The following PHRF1 variants were observed in gnomAD, a reference collection of about 807,000 sequenced individuals.
The protein encoded by PHRF1 is PHD and ring finger domains 1.
PHRF1 carries 53 observed loss-of-function variants against 128.9 expected under a neutral mutation model. The observed-to-expected ratio is 0.41, with a 90% CI of 0.33 to 0.52. The LOEUF is 0.52. PHRF1 is among the 20% of genes least tolerant of loss of function. The pLI, the probability that PHRF1 is intolerant of heterozygous loss-of-function variation, is 0.21. For synonymous variants in PHRF1, 1,178 were observed against 980.6 expected (o/e 1.20, Z -3.76); for missense variants, 2,503 against 2,284.5 (o/e 1.10, Z -1.95).
At chr11:605,489 AC>A in intron 11 of PHRF1, 115 bp from the exon 12 acceptor site, 1 of 1,514,928 alleles carries the variant, frequency 6.6e-7, no homozygotes, top group Non-Finnish European at 8.9e-7. Context: ...GGCCCGAATC[AC>A]ACGTGCCGCC....
intron 2 of PHRF1, 110 bp downstream of exon 2, chr11:581,716 A>G (rs1854214339): frequency 1.7e-6 from 2 of 1,152,730 alleles, no homozygotes; most frequent in Non-Finnish European, 2.4e-6. Flanking sequence ...GTCTAAAAAA[A>G]TTATGCTTTG....
rs1272326751 is a variant in PHRF1, at chr11:582,025, G to C, written c.158G>C (p.Gly53Ala). Residue 53 changes from glycine to alanine, a missense_variant, in exon 3 of 18, where the codon GGC becomes GCC. Coordinates refer to ENST00000264555, the MANE Select transcript of PHRF1 (RefSeq NM_001286581.2). Reference sequence around the variant, plus strand: ...GACAGTGACAGCGAGCATGGAGATGGCACAGACGGAGAAGACGAGGGGGCG... The same window carrying C: ...GACAGTGACAGCGAGCATGGAGATGCCACAGACGGAGAAGACGAGGGGGCG... Reference protein sequence around the residue: ...GDDSDSEHGDGTDGEDEGASE... With the variant: ...GDDSDSEHGDATDGEDEGASE... 1 of 1,608,056 alleles carries C rather than the reference G, an allele frequency of 6.2e-7. No individual in the cohort carries two copies. Among genetic ancestry groups the C allele is most frequent in the South Asian group, 1.1e-5 (1 of 89,554 alleles).
At position 602,755 on chromosome 11, in the gene PHRF1, G is replaced by GTTTTT. The variant is rs1564857878; in HGVS notation, c.1152+1055_1152+1059dup. On this transcript the variant is annotated intron_variant, in intron 10 of 17. Coordinates refer to ENST00000264555, the MANE Select transcript of PHRF1 (RefSeq NM_001286581.2). The stretch of plus-strand genomic sequence containing the variant: ...TGTTTGCTGAATCTTTTTTGGTTTT[G>GTTTTT]TTTTTGTTTTTTTTGTTTTTTTTTT... 2.2e-5 allele frequency among the ~76,000 whole-genome samples: 3 copies of GTTTTT among 139,512 alleles called. 1 individual carries two copies. Among genetic ancestry groups the GTTTTT allele is most frequent in the Non-Finnish European group, 4.4e-5 (3 of 67,472 alleles). The allele number at this position is 139,512 out of a possible 152,430, so 91.5% of individuals were successfully genotyped here. A position where few individuals can be genotyped will look rare whatever the true frequency, so the allele number is the denominator to read the frequency against.
At chr11:579,908 C>T (rs955651448) in intron 1 of PHRF1, among the ~76,000 whole-genome samples, 1 of 152,160 alleles carries the variant, frequency 6.6e-6, no homozygotes, top group African/African-American at 2.4e-5. Context: ...TTCTGAGCCC[C>T]GTTAGGGTTT....
At chr11:589,437 G>A (rs963442966) in intron 4 of PHRF1, among the ~76,000 whole-genome samples, 1 of 152,190 alleles carries the variant, frequency 6.6e-6, no homozygotes, top group Non-Finnish European at 1.5e-5. Context: ...GAATTGCCAA[G>A]ATAGCTTTGA....
chr11:611,604 G>T, intron 17 of PHRF1, 30 bp from the exon 18 acceptor site: 1 of 1,612,570 alleles, frequency 6.2e-7, no homozygotes, highest in East Asian at 2.2e-5. Flanking sequence ...GATGTGAAAG[G>T]GCATTTGGTG....
chr11:592,570 G>A lies in PHRF1; in HGVS notation c.516G>A (p.Glu172=). The change falls in exon 6 of 18, where the codon GAG becomes GAA. Residue 172 remains glutamate (E), a synonymous_variant. Coordinates refer to ENST00000264555, the MANE Select transcript of PHRF1 (RefSeq NM_001286581.2). ...CGATTCTGTCCTAGATCCCAGTGGA[G>A]AACACCAAAGCGAGCGAGGAGGAGG... ...GGKILRKIPV[E]NTKASEEEED... is the part of the protein sequence containing the mutation. 6.2e-7 allele frequency: 1 copy of A among 1,614,078 alleles called. No individual in the cohort carries two copies. The highest frequency in any genetic ancestry group is 8.5e-7 in the Non-Finnish European group (1 of 1,179,898).
rs751095079 is a variant in PHRF1 at position 605,259 on chromosome 11, G to C, written c.1293G>C (p.Leu431=). The change falls in exon 11 of 18, where the codon CTG becomes CTC. Residue 431 remains leucine, a synonymous_variant. Coordinates refer to ENST00000264555, the MANE Select transcript of PHRF1 (RefSeq NM_001286581.2). ...GAGCGGATATTGGAGCTGCCTCTCTGTCTCTGTTTGGAGATCCTTATGAGC... is the reference window on the plus strand; with the variant it reads ...GAGCGGATATTGGAGCTGCCTCTCTCTCTCTGTTTGGAGATCCTTATGAGC... The part of the protein sequence containing the change: ...LLRADIGAAS[L]SLFGDPYELD... The C allele has an allele frequency of 8.7e-6, 14 of 1,613,676 alleles. No homozygotes were observed. The highest frequency in any genetic ancestry group is 1.1e-5 in the Non-Finnish European group (13 of 1,179,878).
intron 9 of PHRF1, among the ~76,000 whole-genome samples, chr11:599,095 G>C (rs1855477309): frequency 6.6e-6 from 1 of 152,212 alleles, no homozygotes; most frequent in Non-Finnish European, 1.5e-5. Flanking sequence ...TGGTGCGCGT[G>C]CACATTTGGC....
chr11:610,753 A>G lies in PHRF1; in HGVS notation c.4669A>G (p.Lys1557Glu), dbSNP rs201301017. Residue 1557 changes from lysine to glutamate, a missense_variant, in exon 16 of 18, where the codon AAG (lysine) becomes GAG (glutamate). Transcript: ENST00000264555. ...APRLAAEKTKKEEYMKKLHMQ... is the reference protein window; with the variant it reads ...APRLAAEKTKEEEYMKKLHMQ... ...CAGGCTAGCTGCGGAGAAAACCAAG[A>G]AGGAGGAGGTGAGTCCTGCCTCCTC... 69 of 1,600,988 alleles carry G rather than the reference A, an allele frequency of 4.3e-5. No individual in the cohort carries two copies. Among genetic ancestry groups the G allele is most frequent in the Middle Eastern group, 1.6e-4 (1 of 6,082 alleles).
chr11:582,048 G>A lies in PHRF1; in HGVS notation c.181G>A (p.Ala61Thr), dbSNP rs545043637. 5 of 1,604,262 alleles carry A rather than the reference G, an allele frequency of 3.1e-6. No individual in the cohort carries two copies. The highest frequency in any genetic ancestry group is 1.1e-5 in the South Asian group (1 of 88,938). ...GDGTDGEDEG[A>T]SEEEDLEDRS... ...TGGCACAGACGGAGAAGACGAGGGG[G>A]CGTCTGAGGAGGAAGACCTGGAAGA... is the stretch of plus-strand genomic sequence containing the variant. Residue 61 changes from alanine to threonine, a missense_variant, in exon 3 of 18, where the codon GCG becomes ACG. Coordinates refer to ENST00000264555, the MANE Select transcript of PHRF1 (RefSeq NM_001286581.2).
intron 3 of PHRF1, among the ~76,000 whole-genome samples, chr11:585,158 T>C (rs147344307): frequency 1.3e-5 from 2 of 152,332 alleles, no homozygotes; most frequent in African/African-American, 2.4e-5. Flanking sequence ...GCTTTCGTTC[T>C]CATTGCTTTT....
rs1279352307 is a variant in PHRF1, at chr11:610,971, C to A, written c.4695C>A (p.His1565Gln). ...TKKEEYMKKL[H>Q]MQERAVEEVK... Reference sequence around the variant, plus strand: ...CCCTCTAGTACATGAAGAAGCTGCACATGCAGGAGCGTGCTGTGGAGGAGG... The same window carrying A: ...CCCTCTAGTACATGAAGAAGCTGCAAATGCAGGAGCGTGCTGTGGAGGAGG... Residue 1565 changes from histidine to glutamine, a missense_variant, in exon 17 of 18, where the codon CAC (histidine) becomes CAA (glutamine). His to Gln is a conservative substitution (Grantham distance 24). Transcript: ENST00000264555. 2 of 1,613,094 alleles carry A rather than the reference C, an allele frequency of 1.2e-6. No individual in the cohort carries two copies. The highest frequency in any genetic ancestry group is 2.7e-5 in the African/African-American group (2 of 74,908).
In PHRF1 at chr11:608,468, G is replaced by A. The variant is rs760233096; in HGVS notation, c.3012G>A (p.Lys1004=). ...CATCCAGCTCCCGCAGCAGGAAGAAGGCCAAGAGGAAGAGGGTGTCCAGGG... is the reference window on the plus strand; with the variant it reads ...CATCCAGCTCCCGCAGCAGGAAGAAAGCCAAGAGGAAGAGGGTGTCCAGGG... The part of the protein sequence containing the change: ...RSTSSSRSRK[K]AKRKRVSREH... Residue 1004 remains lysine, a synonymous_variant, in exon 14 of 18, where the codon AAG becomes AAA. Coordinates refer to ENST00000264555, the MANE Select transcript of PHRF1 (RefSeq NM_001286581.2). The A allele has an allele frequency of 6.2e-7, 1 of 1,612,548 alleles. No individual in the cohort carries two copies. Among genetic ancestry groups the A allele is most frequent in the Admixed American group, 1.7e-5 (1 of 60,010 alleles).
chr11:603,170 C>G (rs575856038), intron 10 of PHRF1, among the ~76,000 whole-genome samples: 2 of 152,154 alleles, frequency 1.3e-5, no homozygotes, highest in South Asian at 4.2e-4. Flanking sequence ...ATCCTCCCAC[C>G]TCAGCTTCCT....
rs1438949267 is a variant in PHRF1 at position 607,104 on chromosome 11, A to G, written c.1648A>G (p.Arg550Gly). 4 of 1,605,846 alleles carry G rather than the reference A, an allele frequency of 2.5e-6. No homozygotes were observed. Among genetic ancestry groups the G allele is most frequent in the Non-Finnish European group, 3.4e-6 (4 of 1,175,834 alleles). Residue 550 changes from arginine to glycine, a missense_variant, in exon 14 of 18, where the codon AGA becomes GGA. Physicochemically the swap from Arg to Gly is moderately radical, Grantham distance 125. Coordinates refer to ENST00000264555, the MANE Select transcript of PHRF1 (RefSeq NM_001286581.2). ...SFQRNSGSLS[R>G]GEEGFKGCLQ... ...TCAGCGAAACTCAGGCAGTCTGTCC[A>G]GAGGGGAAGAAGGATTCAAGGGCTG...
chr11:581,925 C>T (rs1033406735), intron 2 of PHRF1, 37 bp from the exon 3 acceptor site: 19 of 1,545,060 alleles, frequency 1.2e-5, no homozygotes, highest in African/African-American at 8.3e-5. Context: ...ATGGTCTTGA[C>T]GCCGCCCTGC....
At position 608,790 on chromosome 11, in the gene PHRF1, AG is replaced by A. The variant is rs1856137279; in HGVS notation, c.3336del (p.Arg1113AspfsTer86). 6.2e-7 allele frequency: 1 copy of A among 1,611,706 alleles called. No homozygotes were observed. Among genetic ancestry groups the A allele is most frequent in the African/African-American group, 1.3e-5 (1 of 74,878 alleles). On this transcript the variant is annotated frameshift_variant, in exon 14 of 18. Transcript: ENST00000264555. LOFTEE classifies it high-confidence loss of function. ...EHYESRKKKKRRSASRPRGRE... is the reference protein window; with the variant it reads ...EHYESRKKKKXRSASRPRGRE... ...CTATGAGAGTAGGAAGAAGAAGAAA[AG>A]GAGATCAGCGTCCAGACCTCGGGGA... is the stretch of plus-strand genomic sequence containing the variant.
rs60976049 is a variant in PHRF1, at chr11:605,277, T to C, written c.1311T>C (p.Pro437=). The change falls in exon 11 of 18, where the codon CCT becomes CCC. Residue 437 remains proline, a synonymous_variant. Transcript: ENST00000264555. ...GAASLSLFGD[P]YELDPFDSSE... ...CCTCTCTGTCTCTGTTTGGAGATCC[T>C]TATGAGCTGGATCCCTTCGACAGGT... 12,378 of 1,613,654 alleles carry C rather than the reference T, an allele frequency of 7.7e-3. 799 individuals carry two copies. In the African/African-American group the frequency reaches 0.14, roughly 18 times the overall value.
Sources: gnomAD v4.1 joint callset for allele counts (sites outside exome capture counted in the v4.1 genomes callset) on GRCh38, gnomAD v4.1.1 for gene constraint, MANE v1.5 for transcripts, NCBI Gene and HGNC (gene_info 2026-07-23, HGNC 2026-07-21) for gene names.